Variants in GTF2E2 observed in about 807,000 individuals in gnomAD.
GTF2E2 encodes the protein transcription initiation factor IIE subunit beta.
Under a neutral mutation model 40.5 loss-of-function variants are expected in GTF2E2, and 21 were observed. That is an observed-to-expected ratio of 0.52 (90% CI 0.37 to 0.75). The LOEUF (loss-of-function observed/expected upper bound fraction) is 0.75. Ranked by LOEUF, GTF2E2 falls within the 30% of genes least tolerant of loss-of-function variation. The pLI is 0.00. For missense variants in GTF2E2, 298 were observed against 338.4 expected (o/e 0.88, Z 0.94); for synonymous variants, 117 against 121.6 (o/e 0.96, Z 0.25).
intron 2 of GTF2E2, chr8:30,637,278 T>A (rs191455821): frequency 2.2e-6 from 1 of 456,060 alleles, no homozygotes; most frequent in Admixed American, 2.4e-5. Flanking sequence ...GGGAAGACTA[T>A]GAAAAAAGAG....
intron 6 of GTF2E2, among the ~76,000 whole-genome samples, chr8:30,586,839 C>T (rs1045450368): frequency 1.3e-5 from 2 of 152,164 alleles, no homozygotes; most frequent in African/African-American, 4.8e-5. Flanking sequence ...CTGTCTCACA[C>T]CATATAGAAA....
chr8:30,654,252 A>T (rs1802385522), intron 1 of GTF2E2, among the ~76,000 whole-genome samples: 1 of 152,208 alleles, frequency 6.6e-6, no homozygotes, highest in African/African-American at 2.4e-5. Context: ...AAAACCCACA[A>T]GATTTCAAAG....
At chr8:30,580,231 T>C in intron 7 of GTF2E2, 50 bp downstream of exon 7, 3 of 1,020,164 alleles carry the variant, frequency 2.9e-6, no homozygotes, top group South Asian at 1.3e-5. Context: ...CGGAGCAGGC[T>C]AACAGTTCCC....
In GTF2E2 at chr8:30,652,660, C is replaced by T. The variant is rs144814723; in HGVS notation, c.166+773G>A. 4.7e-3 allele frequency among the ~76,000 whole-genome samples: 721 copies of T among 152,012 alleles called. 4 individuals are homozygous for T. Among genetic ancestry groups the T allele is most frequent in the Non-Finnish European group, 4.9e-3 (335 of 67,970 alleles). ...TACAGCTATTTTAGCAGTTTCTTAA[C>T]AAGTTAAATATAAATTTGACATATG... On this transcript the variant is annotated intron_variant, in intron 2 of 7. Transcript: ENST00000355904.
chr8:30,607,637 T>C (rs1476436587), intron 5 of GTF2E2, among the ~76,000 whole-genome samples: 1 of 152,190 alleles, frequency 6.6e-6, no homozygotes, highest in Admixed American at 6.5e-5. Context: ...AAAATTGATA[T>C]TTCCAGACTT....
At chr8:30,619,441 T>C (rs1388334502) in intron 3 of GTF2E2, among the ~76,000 whole-genome samples, 2 of 150,786 alleles carry the variant, frequency 1.3e-5, no homozygotes, top group African/African-American at 4.9e-5. Context: ...CACGCTGGAG[T>C]GCAATGGCAT....
rs571545391 is a variant in GTF2E2 at position 30,626,357 on chromosome 8, C to T, written c.258+8675G>A. Among the ~76,000 whole-genome samples the T allele has an allele frequency of 9.4e-4, 143 of 152,196 alleles. 1 individual carries two copies. The highest frequency in any genetic ancestry group is 2.3e-3 in the African/African-American group (94 of 41,512). ...AAATTTAGCCGGGCGTGGTGGCACACGCCTGTAGTCCCAGCTACTTGGGAG... is the reference window on the plus strand; with the variant it reads ...AAATTTAGCCGGGCGTGGTGGCACATGCCTGTAGTCCCAGCTACTTGGGAG... On this transcript the variant is annotated intron_variant, in intron 3 of 7. Transcript: ENST00000355904.
At chr8:30,652,861 T>C (rs1802327032) in intron 2 of GTF2E2, among the ~76,000 whole-genome samples, 1 of 152,182 alleles carries the variant, frequency 6.6e-6, no homozygotes, top group Non-Finnish European at 1.5e-5. Context: ...ATATCCATAC[T>C]ATGGAATACG....
chr8:30,584,600 A>G (rs1397886549), intron 6 of GTF2E2: 3 of 152,224 alleles, frequency 2.0e-5, no homozygotes, highest in African/African-American at 2.4e-5. Context: ...TTTCATTTCA[A>G]AAGACCCTTC....
At chr8:30,651,090 C>T (rs145483774) in intron 2 of GTF2E2, among the ~76,000 whole-genome samples, 87 of 151,322 alleles carry the variant, frequency 5.7e-4, no homozygotes, top group Middle Eastern at 3.4e-3. Context: ...TGTACAAAAA[C>T]CTGCAGTAAT....
rs563869159 is a variant in GTF2E2, at chr8:30,607,267, T to G, written c.550-117A>C. On this transcript the variant is annotated intron_variant, in intron 5 of 7. Transcript: ENST00000355904. ...CCTTAACACACTCAGTATACCACCATAGGGTCCTCCACCATAGGTCCACTG... is the reference window on the plus strand; with the variant it reads ...CCTTAACACACTCAGTATACCACCAGAGGGTCCTCCACCATAGGTCCACTG... The G allele has an allele frequency of 1.8e-4, 84 of 473,272 alleles. 1 individual carries two copies. Among genetic ancestry groups the G allele is most frequent in the African/African-American group, 1.6e-3 (79 of 49,124 alleles). 29.3% of individuals were successfully genotyped at this position (473,272 alleles called of 1,614,324 possible). A position where few individuals can be genotyped will look rare whatever the true frequency, so the allele number is the denominator to read the frequency against.
chr8:30,588,805 C>T (rs1267032010), intron 6 of GTF2E2, among the ~76,000 whole-genome samples: 1 of 152,122 alleles, frequency 6.6e-6, no homozygotes, highest in African/African-American at 2.4e-5. Flanking sequence ...CCATGAGTAT[C>T]CAGAAGTGCA....
intron 3 of GTF2E2, among the ~76,000 whole-genome samples, chr8:30,625,674 C>A (rs1309859316): frequency 6.6e-6 from 1 of 152,182 alleles, no homozygotes; most frequent in Non-Finnish European, 1.5e-5. Flanking sequence ...TCTCGGCTCA[C>A]TGCAACCTCC....
intron 1 of GTF2E2, among the ~76,000 whole-genome samples, chr8:30,657,267 A>G (rs1290863287): frequency 6.6e-6 from 1 of 152,208 alleles, no homozygotes; most frequent in African/African-American, 2.4e-5. Context: ...ATTAAACAAA[A>G]CCACAACTCA....
intron 5 of GTF2E2, among the ~76,000 whole-genome samples, chr8:30,610,368 C>G (rs1181901269): frequency 1.3e-5 from 2 of 150,540 alleles, no homozygotes; most frequent in African/African-American, 4.9e-5. Flanking sequence ...ACTGCTTGAA[C>G]CTGGGAGGCA....
At chr8:30,627,001 G>A (rs1333694347) in intron 3 of GTF2E2, among the ~76,000 whole-genome samples, 2 of 152,144 alleles carry the variant, frequency 1.3e-5, no homozygotes, top group Non-Finnish European at 2.9e-5. Flanking sequence ...GTTATTAGTA[G>A]CAGAATTTAT....
intron 3 of GTF2E2, among the ~76,000 whole-genome samples, chr8:30,634,315 G>C (rs1327467810): frequency 1.3e-5 from 2 of 152,080 alleles, no homozygotes; most frequent in Admixed American, 6.5e-5. Flanking sequence ...AGGCATGGTG[G>C]TGCATGCCTG....
chr8:30,626,667 AG>A (rs958285911), intron 3 of GTF2E2, among the ~76,000 whole-genome samples: 2 of 152,218 alleles, frequency 1.3e-5, no homozygotes, highest in Non-Finnish European at 2.9e-5. Flanking sequence ...ACCTAGGCCC[AG>A]GAACAATTCT....
At chr8:30,647,066 T>C (rs1468658355) in intron 2 of GTF2E2, among the ~76,000 whole-genome samples, 1 of 144,710 alleles carries the variant, frequency 6.9e-6, no homozygotes. Flanking sequence ...ATTCACCATA[T>C]AAAAGTTTTA....
Sources: gnomAD v4.1 joint callset for allele counts (sites outside exome capture counted in the v4.1 genomes callset) on GRCh38, gnomAD v4.1.1 for gene constraint, MANE v1.5 for transcripts, NCBI Gene and HGNC (gene_info 2026-07-23, HGNC 2026-07-21) for gene names.